The following PDCD1LG2 variants were observed in gnomAD, a reference collection of about 807,000 sequenced individuals.
PDCD1LG2 encodes programmed cell death 1 ligand 2.
PDCD1LG2 carries 32 observed loss-of-function variants against 28.2 expected under a neutral mutation model. The ratio of observed to expected loss-of-function variants is 1.13; its 90% CI spans 0.86 to 1.52. The LOEUF (loss-of-function observed/expected upper bound fraction) is 1.52, where lower values mean the gene tolerates loss of function less well. Among genes scored for constraint, PDCD1LG2 ranks in the 40% most tolerant of loss-of-function variants. PDCD1LG2 has a pLI of 0.00. For synonymous variants in PDCD1LG2, 116 were observed against 120.2 expected (o/e 0.97, Z 0.23); for missense variants, 385 against 323.8 (o/e 1.19, Z -1.45).
intron 3 of PDCD1LG2, among the ~76,000 whole-genome samples, chr9:5,547,894 C>T (rs574943801): frequency 2.0e-4 from 29 of 147,342 alleles, no homozygotes; most frequent in Admixed American, 1.7e-3. Flanking sequence ...GCCGAGATCA[C>T]GCTGTTGCAC....
intron 6 of PDCD1LG2, among the ~76,000 whole-genome samples, chr9:5,566,620 C>A (rs544687563): frequency 1.3e-5 from 2 of 152,286 alleles, no homozygotes; most frequent in South Asian, 4.1e-4. Flanking sequence ...GAGTCCCCTG[C>A]TGACCCTCAA....
intron 3 of PDCD1LG2, among the ~76,000 whole-genome samples, chr9:5,548,094 C>T (rs1456630572): frequency 6.6e-6 from 1 of 151,754 alleles, no homozygotes; most frequent in Non-Finnish European, 1.5e-5. Context: ...AATGCATTAA[C>T]TGTGGTCATC....
At chr9:5,525,119 G>A (rs373738216) in intron 2 of PDCD1LG2, among the ~76,000 whole-genome samples, 14 of 152,146 alleles carry the variant, frequency 9.2e-5, no homozygotes, top group African/African-American at 3.1e-4. Context: ...AGGCCGAGGC[G>A]GGTGGATCAC....
In PDCD1LG2 at chr9:5,535,024, A is replaced by G. The variant is rs1563825826; in HGVS notation, c.335A>G (p.Tyr112Cys). The G allele has an allele frequency of 1.2e-6, 2 of 1,611,634 alleles. No homozygotes were observed. Among genetic ancestry groups the G allele is most frequent in the Non-Finnish European group, 1.7e-6 (2 of 1,178,386 alleles). The change falls in exon 3 of 7, where the codon TAC (tyrosine) becomes TGC (cysteine). Residue 112 changes from tyrosine (Y) to cysteine (C), a missense_variant. Tyr to Cys is a radical substitution (Grantham distance 194, BLOSUM62 -2). Transcript: ENST00000397747. ...ATCATCTATGGGGTCGCCTGGGACTACAAGTACCTGACTCTGAAAGTCAAA... is the reference window on the plus strand; with the variant it reads ...ATCATCTATGGGGTCGCCTGGGACTGCAAGTACCTGACTCTGAAAGTCAAA... The part of the protein sequence containing the change: ...CIIIYGVAWD[Y>C]KYLTLKVKAS...
chr9:5,531,008 T>C (rs1303512196), intron 2 of PDCD1LG2, among the ~76,000 whole-genome samples: 2 of 152,224 alleles, frequency 1.3e-5, no homozygotes, highest in Non-Finnish European at 2.9e-5. Context: ...TGTTACTTTG[T>C]GTAACTAATG....
chr9:5,536,723 T>C (rs1820586837), intron 3 of PDCD1LG2, among the ~76,000 whole-genome samples: 1 of 152,186 alleles, frequency 6.6e-6, no homozygotes. Flanking sequence ...TGTGGAGAGA[T>C]TTGTTCCTTA....
intron 3 of PDCD1LG2, among the ~76,000 whole-genome samples, chr9:5,542,148 G>C (rs1037506360): frequency 6.6e-6 from 1 of 152,050 alleles, no homozygotes; most frequent in South Asian, 2.1e-4. Flanking sequence ...GAATAAACTG[G>C]ATCCTCATAT....
intron 2 of PDCD1LG2, among the ~76,000 whole-genome samples, chr9:5,534,363 G>T (rs561678929): frequency 3.9e-4 from 60 of 152,324 alleles, no homozygotes; most frequent in Non-Finnish European, 5.9e-5. Flanking sequence ...TCGAAAGGAA[G>T]CATTTTGTTC....
chr9:5,559,220 G>A (rs1373839665), intron 5 of PDCD1LG2, among the ~76,000 whole-genome samples: 1 of 152,212 alleles, frequency 6.6e-6, no homozygotes, highest in African/African-American at 2.4e-5. Context: ...CGAGCTGGGA[G>A]GTAAAGCTCA....
chr9:5,512,321 G>C (rs985834968), intron 1 of PDCD1LG2, among the ~76,000 whole-genome samples: 3 of 152,174 alleles, frequency 2.0e-5, no homozygotes, highest in Non-Finnish European at 2.9e-5. Context: ...ACAGACAAGA[G>C]CATCTGAAAG....
At chr9:5,552,274 A>AT (rs1294588911) in intron 4 of PDCD1LG2, among the ~76,000 whole-genome samples, 4 of 152,082 alleles carry the variant, frequency 2.6e-5, no homozygotes, top group African/African-American at 7.2e-5. Context: ...CAGTATGGTA[A>AT]TTTTTTTCTT....
At chr9:5,563,233 T>A in intron 6 of PDCD1LG2, 22 bp downstream of exon 6, 1 of 1,591,204 alleles carries the variant, frequency 6.3e-7, no homozygotes, top group Admixed American at 1.7e-5. Context: ...TGATTTTTAC[T>A]TTTCTTTCTT....
chr9:5,539,596 T>C (rs996932160), intron 3 of PDCD1LG2, among the ~76,000 whole-genome samples: 2 of 152,220 alleles, frequency 1.3e-5, no homozygotes, highest in African/African-American at 4.8e-5. Flanking sequence ...AGGTGGCACC[T>C]ACATTTCTGG....
intron 3 of PDCD1LG2, among the ~76,000 whole-genome samples, chr9:5,539,032 T>C (rs1820638750): frequency 6.6e-6 from 1 of 152,216 alleles, no homozygotes; most frequent in Non-Finnish European, 1.5e-5. Context: ...GTTAAATATT[T>C]ATATGTATTT....
intron 1 of PDCD1LG2, among the ~76,000 whole-genome samples, chr9:5,518,873 G>A (rs571433518): frequency 6.6e-6 from 1 of 152,304 alleles, no homozygotes; most frequent in East Asian, 1.9e-4. Context: ...ACTGCTAAAT[G>A]CAACTCTCAA....
At chr9:5,554,769 A>C (rs1816404313) in intron 4 of PDCD1LG2, among the ~76,000 whole-genome samples, 1 of 152,210 alleles carries the variant, frequency 6.6e-6, no homozygotes, top group Non-Finnish European at 1.5e-5. Context: ...TTCCTAGGAG[A>C]CCTGGAGGTG....
intron 4 of PDCD1LG2, among the ~76,000 whole-genome samples, chr9:5,550,521 G>A (rs772746433): frequency 1.1e-4 from 17 of 152,090 alleles, no homozygotes; most frequent in Non-Finnish European, 2.2e-4. Flanking sequence ...GTTTCACTGG[G>A]CTCAAATCAA....
intron 4 of PDCD1LG2, among the ~76,000 whole-genome samples, chr9:5,555,446 A>C (rs1816419003): frequency 6.6e-6 from 1 of 152,228 alleles, no homozygotes; most frequent in Admixed American, 6.5e-5. Flanking sequence ...ATTAAATTAA[A>C]GAAACGACAA....
In PDCD1LG2 at chr9:5,525,860, C is replaced by A. The variant is rs545941949; in HGVS notation, c.55+3259C>A. Among the ~76,000 whole-genome samples, 955 of 151,760 alleles carry A rather than the reference C, an allele frequency of 6.3e-3. 10 individuals are homozygous for A. The highest frequency in any genetic ancestry group is 0.03 in the East Asian group (152 of 5,150). On this transcript the variant is annotated intron_variant, in intron 2 of 6. Transcript: ENST00000397747. ...TCAGGAGACCGAGACCAGCCTGGCCCGCATGGTGAAACCTCGTCTCTACAA... is the reference window on the plus strand; with the variant it reads ...TCAGGAGACCGAGACCAGCCTGGCCAGCATGGTGAAACCTCGTCTCTACAA...
Sources: allele counts gnomAD v4.1 joint callset (sites outside exome capture counted in the v4.1 genomes callset), GRCh38; gene constraint gnomAD v4.1.1; transcripts MANE v1.5; gene names NCBI Gene and HGNC (gene_info 2026-07-23, HGNC 2026-07-21).